The following ABCC3 variants were observed in gnomAD, a reference collection of about 807,000 sequenced individuals.
ABCC3 encodes ATP-binding cassette sub-family C member 3.
Under a neutral mutation model 165.3 loss-of-function variants are expected in ABCC3, and 121 were observed. That is an observed-to-expected ratio of 0.73 (90% CI 0.63 to 0.85). ABCC3 has a LOEUF of 0.85. Among genes scored for constraint, ABCC3 ranks in the 40% least tolerant of loss-of-function variants. ABCC3 has a pLI of 0.00. For synonymous variants in ABCC3, 733 were observed against 810.1 expected, an observed-to-expected ratio of 0.90 and a Z score of 1.62; for missense variants, 1,869 against 1,964.1, an observed-to-expected ratio of 0.95 and a Z score of 0.92.
chr17:50,688,036 C>G (rs917137789), intron 30 of ABCC3, among the ~76,000 whole-genome samples: 1 of 151,646 alleles, frequency 6.6e-6, no homozygotes. Context: ...CTCAGCCTCT[C>G]GAAGTACTGG....
At chr17:50,652,127 A>G (rs1042189488) in intron 1 of ABCC3, among the ~76,000 whole-genome samples, 3 of 152,238 alleles carry the variant, frequency 2.0e-5, no homozygotes, top group African/African-American at 7.2e-5. Context: ...AAAGCCAACA[A>G]AATAGAGCTC....
At chr17:50,657,971 G>A in intron 4 of ABCC3, 111 bp from the exon 5 acceptor site, 2 of 1,487,820 alleles carry the variant, frequency 1.3e-6, no homozygotes, top group Non-Finnish European at 1.8e-6. Flanking sequence ...AGGCCCCCAG[G>A]TGCTGCCTCC....
Position 50,691,437 on chromosome 17 carries a change from G to C in ABCC3, c.*237G>C, listed in dbSNP as rs553156198. On this transcript the variant is annotated 3_prime_UTR_variant, in exon 31 of 31. Coordinates refer to ENST00000285238, the MANE Select transcript of ABCC3 (RefSeq NM_003786.4). ...GTTTGAGCCAGTTAGACTAGTCCCC[G>C]GTCTCCCGATTCCCAACTGAGTGTT... is the stretch of plus-strand genomic sequence containing the variant. 6.6e-6 allele frequency: 3 copies of C among 451,420 alleles called. No homozygotes were observed. In the South Asian group the frequency reaches 8.5e-5, roughly 13 times the overall value. The allele number at this position is 451,420 out of a possible 1,614,324, so 28.0% of individuals were successfully genotyped here. A position where few individuals can be genotyped will look rare whatever the true frequency, so the allele number is the denominator to read the frequency against.
chr17:50,670,842 G>A (rs1328642874), intron 17 of ABCC3, among the ~76,000 whole-genome samples: 3 of 152,184 alleles, frequency 2.0e-5, no homozygotes, highest in African/African-American at 4.8e-5. Context: ...AAAAGATAGA[G>A]AGAGGCAGAA....
At chr17:50,690,671 C>T (rs1441304076) in intron 30 of ABCC3, among the ~76,000 whole-genome samples, 2 of 152,186 alleles carry the variant, frequency 1.3e-5, no homozygotes, top group Admixed American at 6.5e-5. Context: ...GCAGCCCAAG[C>T]CCCAGATTCC....
chr17:50,656,630 C>A, intron 2 of ABCC3, 72 bp from the exon 3 acceptor site: 1 of 1,536,526 alleles, frequency 6.5e-7, no homozygotes, highest in Non-Finnish European at 8.7e-7. Context: ...GCTTCAGGTA[C>A]AAAGACCCCT....
chr17:50,687,180 C>T (rs1473703475), intron 29 of ABCC3: 4 of 242,312 alleles, frequency 1.7e-5, no homozygotes, highest in South Asian at 9.5e-5. Context: ...AAGAGCCATG[C>T]AAGTATGTTC....
At position 50,687,525 on chromosome 17, in the gene ABCC3, T is replaced by C; in HGVS notation, c.4281-11T>C. 1 of 1,610,758 alleles carries C rather than the reference T, an allele frequency of 6.2e-7. No individual in the cohort carries two copies. Among genetic ancestry groups the C allele is most frequent in the Non-Finnish European group, 8.5e-7 (1 of 1,178,882 alleles). ...CCCCCAGCTGGAAATGCCTGCCTTC[T>C]CCACTCCCAGCGTGGGCCAGAGGCA... On this transcript the variant is annotated splice_polypyrimidine_tract_variant and intron_variant, in intron 29 of 30. Transcript: ENST00000285238.
Position 50,671,125 on chromosome 17 carries a change from G to A in ABCC3, c.2241+1597G>A, listed in dbSNP as rs150722458. On this transcript the variant is annotated intron_variant, in intron 17 of 30. Transcript: ENST00000285238. Reference sequence around the variant, plus strand: ...AAACAAATTAGCCGAGTGTGATGGCGTGTGCCTGTAGTCCCAGCTACTCAG... The same window carrying A: ...AAACAAATTAGCCGAGTGTGATGGCATGTGCCTGTAGTCCCAGCTACTCAG... Among the ~76,000 whole-genome samples the A allele has an allele frequency of 6.5e-3, 995 of 152,020 alleles. 12 individuals are homozygous for A. The highest frequency in any genetic ancestry group is 0.022 in the African/African-American group (924 of 41,486).
chr17:50,673,443 G>T lies in ABCC3; in HGVS notation c.2410-26G>T, dbSNP rs191753816. 468 of 1,609,280 alleles carry T rather than the reference G, an allele frequency of 2.9e-4. 5 individuals are homozygous for T. The African/African-American group carries it at 4.3e-3, about 15-fold the overall frequency. Reference sequence around the variant, plus strand: ...AGGGGTGTGCTGGAGGGTGGTAGGGGTGAGAGCCTGCTGCCTTCTCCCCAG... The same window carrying T: ...AGGGGTGTGCTGGAGGGTGGTAGGGTTGAGAGCCTGCTGCCTTCTCCCCAG... On this transcript the variant is annotated intron_variant, in intron 18 of 30. Transcript: ENST00000285238.
intron 19 of ABCC3, among the ~76,000 whole-genome samples, chr17:50,674,945 G>A (rs916757640): frequency 2.6e-5 from 4 of 151,822 alleles, no homozygotes; most frequent in Admixed American, 2.6e-4. Context: ...GATTATAGGT[G>A]CCCGCCACCA....
chr17:50,669,301 G>A, intron 16 of ABCC3, 35 bp downstream of exon 16: 2 of 1,614,114 alleles, frequency 1.2e-6, no homozygotes, highest in Non-Finnish European at 1.7e-6. Flanking sequence ...CAGGGTGTGG[G>A]GCTCAGCCAG....
intron 1 of ABCC3, among the ~76,000 whole-genome samples, chr17:50,639,686 G>T (rs192436698): frequency 6.6e-6 from 1 of 152,236 alleles, no homozygotes; most frequent in Non-Finnish European, 1.5e-5. Context: ...CTGGTACTGC[G>T]GTGCAGTGGT....
At chr17:50,685,035 G>GT (rs1200692341) in intron 29 of ABCC3, among the ~76,000 whole-genome samples, 160 bp downstream of exon 29, 3 of 152,174 alleles carry the variant, frequency 2.0e-5, no homozygotes, top group Non-Finnish European at 4.4e-5. Flanking sequence ...CAGGCATGGT[G>GT]TACTGCCCCG....
At position 50,656,775 on chromosome 17, in the gene ABCC3, G is replaced by A. The variant is rs35777968; in HGVS notation, c.296G>A (p.Arg99Gln). The part of the protein sequence containing the change: ...FYSFHGLVHG[R>Q]APAPVFFVTP... Reference sequence around the variant, plus strand: ...TCCTTCCATGGCCTGGTCCATGGCCGGGCCCCTGCCCCTGTTTTCTTTGTC... The same window carrying A: ...TCCTTCCATGGCCTGGTCCATGGCCAGGCCCCTGCCCCTGTTTTCTTTGTC... Residue 99 changes from arginine (R) to glutamine (Q), a missense_variant, in exon 3 of 31, where the codon CGG (arginine) becomes CAG (glutamine). By Grantham distance (43) the Arg-to-Gln change is conservative. Coordinates refer to ENST00000285238, the MANE Select transcript of ABCC3 (RefSeq NM_003786.4). 3,236 of 1,613,976 alleles carry A rather than the reference G, an allele frequency of 2.0e-3. 54 individuals are homozygous for A. In the African/African-American group the frequency reaches 0.037, roughly 18 times the overall value.
intron 17 of ABCC3, 38 bp from the exon 18 acceptor site, chr17:50,672,933 G>A (rs747807693): frequency 1.9e-6 from 3 of 1,601,120 alleles, no homozygotes; most frequent in South Asian, 2.2e-5. Flanking sequence ...CCCTGTGCCT[G>A]TCTGACCCCA....
intron 30 of ABCC3, 118 bp downstream of exon 30, chr17:50,687,848 T>C (rs1968051458): frequency 6.2e-6 from 7 of 1,122,642 alleles, no homozygotes; most frequent in Non-Finnish European, 9.0e-6. Flanking sequence ...TGCTAGGGCA[T>C]GGCAGGCAGA....
chr17:50,668,969 T>G (rs777839901), intron 15 of ABCC3, 50 bp downstream of exon 15: 1 of 1,603,472 alleles, frequency 6.2e-7, no homozygotes, highest in Admixed American at 1.7e-5. Context: ...GGGCTGGAAG[T>G]TCAGATCAAT....
intron 29 of ABCC3, chr17:50,687,245 C>CA: frequency 4.7e-6 from 2 of 426,760 alleles, no homozygotes; most frequent in Admixed American, 3.6e-5. Flanking sequence ...ACGGCACTAG[C>CA]TGAAAAGCAA....
Sources: gnomAD v4.1 joint callset for allele counts (sites outside exome capture counted in the v4.1 genomes callset) on GRCh38, gnomAD v4.1.1 for gene constraint, MANE v1.5 for transcripts, NCBI Gene and HGNC (gene_info 2026-07-23, HGNC 2026-07-21) for gene names.